Variants in LRTM3 observed in about 807,000 individuals in gnomAD.
LRTM3 encodes leucine-rich repeat transmembrane protein 3.
the LRTM3 span, chr13:102,742,580 A>C: frequency 6.4e-7 from 1 of 1,550,524 alleles, no homozygotes; most frequent in South Asian, 1.2e-5. Flanking sequence ...TTGATCTATT[A>C]AATCAACTTC....
the LRTM3 span, chr13:102,746,432 A>G: frequency 1.9e-6 from 3 of 1,551,170 alleles, no homozygotes; most frequent in Admixed American, 2.0e-5. Flanking sequence ...CTCTCTCTGC[A>G]ATCTGCTATG....
At chr13:102,742,644 C>A in the LRTM3 span, 1 of 1,550,510 alleles carries the variant, frequency 6.4e-7, no homozygotes, top group East Asian at 2.4e-5. Flanking sequence ...TTATTGCTTA[C>A]AACAGCATAA....
chr13:102,735,428 C>T, the LRTM3 span: 43 of 1,551,140 alleles, frequency 2.8e-5, no homozygotes, highest in Admixed American at 7.9e-5. Flanking sequence ...GTTCTCCTGT[C>T]CTTCTGTTGT....
chr13:102,741,099 A>G, the LRTM3 span: 4 of 1,550,040 alleles, frequency 2.6e-6, no homozygotes, highest in Middle Eastern at 1.7e-4. Context: ...AGTTGATGCA[A>G]TATGCAAGGG....
the LRTM3 span, among the ~76,000 whole-genome samples, chr13:102,753,640 C>A: frequency 1.4e-3 from 217 of 152,236 alleles, no homozygotes; most frequent in African/African-American, 5.0e-3. Context: ...AATTTCTGTT[C>A]TTTAATGCCA....
the LRTM3 span, chr13:102,730,672 A>T: frequency 6.4e-7 from 1 of 1,551,974 alleles, no homozygotes; most frequent in Non-Finnish European, 8.7e-7. Flanking sequence ...TGAAAGAAAT[A>T]TGTTGTTCTA....
the LRTM3 span, chr13:102,730,966 A>T: frequency 6.4e-7 from 1 of 1,551,436 alleles, no homozygotes; most frequent in South Asian, 1.2e-5. Flanking sequence ...TCTCATGAGC[A>T]CTGGTCATTG....
chr13:102,742,080 C>A, the LRTM3 span: 1 of 1,550,424 alleles, frequency 6.4e-7, no homozygotes, highest in Non-Finnish European at 8.7e-7. Context: ...TTTGGCTTGT[C>A]TTTCTCCATT....
At chr13:102,758,264 A>G in the LRTM3 span, 1 of 578,318 alleles carries the variant, frequency 1.7e-6, no homozygotes, top group Non-Finnish European at 3.0e-6. Flanking sequence ...GCATAGCAAC[A>G]ATTTAAAGTA....
the LRTM3 span, among the ~76,000 whole-genome samples, chr13:102,750,804 G>C: frequency 1.3e-5 from 2 of 152,146 alleles, no homozygotes; most frequent in Non-Finnish European, 2.9e-5. Flanking sequence ...GCTGTCTATA[G>C]ATAAATCCAG....
the LRTM3 span, chr13:102,745,393 C>G: frequency 1.0e-4 from 156 of 1,550,476 alleles, no homozygotes; most frequent in Non-Finnish European, 1.3e-4. Flanking sequence ...CCTTGCTATA[C>G]TTGTTAATGT....
At chr13:102,744,644 C>A in the LRTM3 span, 13 of 1,550,806 alleles carry the variant, frequency 8.4e-6, no homozygotes, top group Non-Finnish European at 1.1e-5. Flanking sequence ...TCCTGATTTG[C>A]AAGGGTCAGG....
chr13:102,747,598 C>T, the LRTM3 span: 1 of 1,551,114 alleles, frequency 6.4e-7, no homozygotes. Context: ...TATCCGTTGT[C>T]TTTTGGAGGT....
chr13:102,735,613 T>C, the LRTM3 span: 10 of 1,551,162 alleles, frequency 6.4e-6, no homozygotes, highest in South Asian at 1.2e-4. Flanking sequence ...GGTCTGTACA[T>C]TTGGGGAGCA....
chr13:102,745,963 C>T, the LRTM3 span: 1 of 1,551,174 alleles, frequency 6.4e-7, no homozygotes, highest in African/African-American at 1.4e-5. Context: ...CATTATCCTT[C>T]TGATATGCAT....
the LRTM3 span, chr13:102,738,957 G>A: frequency 1.3e-6 from 2 of 1,550,504 alleles, no homozygotes; most frequent in South Asian, 1.2e-5. Context: ...TGCGGCATAT[G>A]TTTTGCTTTT....
the LRTM3 span, chr13:102,730,102 C>A: frequency 6.4e-7 from 1 of 1,550,454 alleles, no homozygotes; most frequent in South Asian, 1.2e-5. Context: ...ATCTATATTT[C>A]CTGCTTTTGT....
At chr13:102,736,393 G>A in the LRTM3 span, 16 of 1,551,096 alleles carry the variant, frequency 1.0e-5, no homozygotes, top group East Asian at 1.2e-4. Context: ...GGTGCATCAG[G>A]CCATGCATGG....
At chr13:102,756,696 C>CAAAAAAAA in the LRTM3 span, among the ~76,000 whole-genome samples, 1 of 106,554 alleles carries the variant, frequency 9.4e-6, no homozygotes, top group African/African-American at 3.5e-5. Context: ...AAAAAAAAAA[C>CAAAAAAAA]AAAAAAACAA....
Sources: allele counts gnomAD v4.1 joint callset (sites outside exome capture counted in the v4.1 genomes callset), GRCh38; gene constraint gnomAD v4.1.1; transcripts MANE v1.5; gene names NCBI Gene and HGNC (gene_info 2026-07-23, HGNC 2026-07-21).